NREP: variants seen among roughly 807,000 people sequenced by gnomAD.
NREP encodes neuronal regeneration-related protein.
Under a neutral mutation model 8.6 loss-of-function variants are expected in NREP, and 5 were observed. The ratio of observed to expected loss-of-function variants is 0.58; its 90% CI spans 0.30 to 1.22. The LOEUF (loss-of-function observed/expected upper bound fraction) is 1.22, where lower values mean the gene tolerates loss of function less well. Among genes scored for constraint, NREP ranks in the 50% most tolerant of loss-of-function variants. The pLI is 0.07. For missense variants in NREP, 86 were observed against 82.5 expected (o/e 1.04, Z -0.17); for synonymous variants, 27 against 28.0 (o/e 0.96, Z 0.11).
chr5:111,884,622 C>G (rs1385830130), intron 2 of NREP, among the ~76,000 whole-genome samples: 1 of 152,106 alleles, frequency 6.6e-6, no homozygotes, highest in Non-Finnish European at 1.5e-5. Context: ...AAAGCTTATC[C>G]ACCATGATCA....
chr5:111,910,610 C>T (rs891710091), intron 2 of NREP, among the ~76,000 whole-genome samples: 3 of 151,744 alleles, frequency 2.0e-5, no homozygotes, highest in South Asian at 2.1e-4. Context: ...AAATGCTTGC[C>T]GAGTATGGGT....
chr5:111,910,163 T>C (rs1374641246), intron 2 of NREP, among the ~76,000 whole-genome samples: 1 of 152,100 alleles, frequency 6.6e-6, no homozygotes, highest in African/African-American at 2.4e-5. Flanking sequence ...TTTACCCTGA[T>C]TATATTCTGG....
chr5:111,945,803 A>G (rs772825125), intron 2 of NREP, among the ~76,000 whole-genome samples: 53 of 151,816 alleles, frequency 3.5e-4, no homozygotes, highest in Admixed American at 1.1e-3. Context: ...TTCATTCTCA[A>G]TCAGAACGTT....
intron 2 of NREP, among the ~76,000 whole-genome samples, chr5:111,903,664 C>T (rs1490046718): frequency 6.6e-6 from 1 of 152,036 alleles, no homozygotes; most frequent in East Asian, 1.9e-4. Context: ...TCCAGAGACA[C>T]TGAGTCTTTT....
intron 2 of NREP, among the ~76,000 whole-genome samples, chr5:111,945,588 A>T (rs1755955611): frequency 6.6e-6 from 1 of 151,992 alleles, no homozygotes; most frequent in Admixed American, 6.6e-5. Flanking sequence ...CAGAAAGAAT[A>T]CAAGGGTTTG....
At chr5:111,870,523 A>G (rs977445039) in intron 2 of NREP, among the ~76,000 whole-genome samples, 2 of 152,208 alleles carry the variant, frequency 1.3e-5, no homozygotes, top group Non-Finnish European at 2.9e-5. Flanking sequence ...AATTGATTTC[A>G]TTGGTAAAAT....
At chr5:111,835,609 G>T (rs146677036) in intron 2 of NREP, among the ~76,000 whole-genome samples, 91 of 152,150 alleles carry the variant, frequency 6.0e-4, no homozygotes, top group Non-Finnish European at 7.8e-4. Context: ...AGCAAGGGAG[G>T]TCAACCAAGA....
chr5:111,968,580 T>C (rs1398094903), intron 2 of NREP, among the ~76,000 whole-genome samples: 2 of 152,154 alleles, frequency 1.3e-5, no homozygotes, highest in Non-Finnish European at 2.9e-5. Context: ...ATGTTGCCAA[T>C]CTGATTTTGA....
At chr5:111,757,706 C>T, upstream of NREP, 1 of 984,570 alleles carries the variant, frequency 1.0e-6, no homozygotes, top group Non-Finnish European at 1.2e-6. Context: ...ACAAAGCGGA[C>T]CCGCAGCTCT....
chr5:111,871,564 A>G (rs1753791577), intron 2 of NREP, among the ~76,000 whole-genome samples: 1 of 152,140 alleles, frequency 6.6e-6, no homozygotes, highest in Non-Finnish European at 1.5e-5. Flanking sequence ...CTTACTTTGT[A>G]AACCTAATTT....
intron 2 of NREP, among the ~76,000 whole-genome samples, chr5:111,796,309 G>A (rs898769251): frequency 6.6e-6 from 1 of 151,940 alleles, no homozygotes; most frequent in African/African-American, 2.4e-5. Context: ...AAGGACCCTC[G>A]TGATCATATT....
rs191845844 is a variant in NREP, at chr5:111,784,783, G to T, written c.136-49276C>A. 3.3e-5 allele frequency among the ~76,000 whole-genome samples: 5 copies of T among 152,216 alleles called. No individual in the cohort carries two copies. In the East Asian group the frequency reaches 7.7e-4, roughly 24 times the overall value. On this transcript the variant is annotated intron_variant, in intron 2 of 3. Coordinates refer to the NREP transcript ENST00000395634. Reference sequence around the variant, plus strand: ...TAGGACTCAGTTTGAGAGATTTTAGGAATATGGATATTTAAAAACAGCATT... The same window carrying T: ...TAGGACTCAGTTTGAGAGATTTTAGTAATATGGATATTTAAAAACAGCATT...
chr5:111,754,351 T>A, intron 2 of NREP, among the ~76,000 whole-genome samples: 1 of 152,132 alleles, frequency 6.6e-6, no homozygotes, highest in East Asian at 1.9e-4. Context: ...TTTGGTAGGG[T>A]CCATAGTCAT....
intron 2 of NREP, among the ~76,000 whole-genome samples, chr5:111,926,417 A>G (rs1163348180): frequency 6.6e-6 from 1 of 152,130 alleles, no homozygotes. Flanking sequence ...TCGATTGTGC[A>G]TCGCTTGCAG....
At chr5:111,809,775 T>C (rs1390275300) in intron 2 of NREP, among the ~76,000 whole-genome samples, 1 of 152,192 alleles carries the variant, frequency 6.6e-6, no homozygotes, top group Admixed American at 6.5e-5. Context: ...TCTGATATTC[T>C]GTTATAACAA....
chr5:111,781,358 C>T (rs761453515), intron 2 of NREP, among the ~76,000 whole-genome samples: 1 of 152,156 alleles, frequency 6.6e-6, no homozygotes, highest in African/African-American at 2.4e-5. Context: ...GTCCATGCAA[C>T]ATGGAAAGGC....
At chr5:111,824,142 G>A (rs773199981) in intron 2 of NREP, among the ~76,000 whole-genome samples, 2 of 152,130 alleles carry the variant, frequency 1.3e-5, no homozygotes, top group Non-Finnish European at 2.9e-5. Flanking sequence ...AGGCTGAGTC[G>A]GGCGGATCAC....
chr5:111,961,848 G>T (rs1371987772), intron 2 of NREP, among the ~76,000 whole-genome samples: 2 of 152,216 alleles, frequency 1.3e-5, no homozygotes, highest in African/African-American at 4.8e-5. Flanking sequence ...TAACAGGAGA[G>T]TTCACGCCAT....
chr5:111,811,698 A>T (rs559812864), intron 2 of NREP, among the ~76,000 whole-genome samples: 1 of 152,262 alleles, frequency 6.6e-6, no homozygotes, highest in East Asian at 1.9e-4. Flanking sequence ...TATTAGCAAA[A>T]CTTTTGTTCA....
Sources: allele counts gnomAD v4.1 joint callset (sites outside exome capture counted in the v4.1 genomes callset), GRCh38; gene constraint gnomAD v4.1.1; transcripts MANE v1.5; gene names NCBI Gene and HGNC (gene_info 2026-07-23, HGNC 2026-07-21).